The following PPP2R2B variants were observed in gnomAD, a reference collection of about 807,000 sequenced individuals.
PPP2R2B encodes the protein serine/threonine-protein phosphatase 2A 55 kDa regulatory subunit B beta isoform.
PPP2R2B carries 5 observed loss-of-function variants against 46.0 expected under a neutral mutation model. The observed-to-expected ratio is 0.11, with a 90% CI of 0.06 to 0.23. The LOEUF (loss-of-function observed/expected upper bound fraction) is 0.23. PPP2R2B is among the 10% of genes least tolerant of loss of function. The probability of loss-of-function intolerance (pLI) is 1.00; values close to 1 mark genes in which losing one functional copy is unlikely to be tolerated. For synonymous variants in PPP2R2B, 215 were observed against 206.7 expected (o/e 1.04, Z -0.34); for missense variants, 367 against 575.0 (o/e 0.64, Z 3.70).
At chr5:146,835,342 T>G (rs1759216106) in intron 2 of PPP2R2B, among the ~76,000 whole-genome samples, 1 of 152,190 alleles carries the variant, frequency 6.6e-6, no homozygotes, top group South Asian at 2.1e-4. Context: ...ATGGCCAAGT[T>G]AAATCAGAAA....
At position 146,914,899 on chromosome 5, in the gene PPP2R2B, A is replaced by G. The variant is rs1480231187; in HGVS notation, c.79+140766T>C. On this transcript the variant is annotated intron_variant, in intron 1 of 8. Coordinates refer to the PPP2R2B transcript ENST00000336640. ...CTAGCTCAAATGTATCTCCCCTACT[A>G]GTCCTCCACTTTCAGTATTCGAATC... 2.0e-5 allele frequency among the ~76,000 whole-genome samples: 3 copies of G among 152,186 alleles called. No individual in the cohort carries two copies. In the East Asian group the frequency reaches 5.8e-4, roughly 29 times the overall value.
chr5:146,760,679 T>C (rs2151252372), intron 2 of PPP2R2B, among the ~76,000 whole-genome samples: 1 of 152,356 alleles, frequency 6.6e-6, no homozygotes, highest in African/African-American at 2.4e-5. Context: ...CTGCATGCTC[T>C]GCTGTGATTT....
chr5:146,964,440 TA>T (rs1752314920), intron 1 of PPP2R2B, among the ~76,000 whole-genome samples: 1 of 144,230 alleles, frequency 6.9e-6, no homozygotes, highest in Admixed American at 7.4e-5. Flanking sequence ...AACCTTAGGA[TA>T]TTTTTTTTAT....
At chr5:146,746,364 A>G (rs1051364182) in intron 2 of PPP2R2B, among the ~76,000 whole-genome samples, 1 of 125,066 alleles carries the variant, frequency 8.0e-6, no homozygotes, top group Non-Finnish European at 1.7e-5. Context: ...ACTTTGAAAC[A>G]GCTTTTGGAC....
At chr5:146,768,772 T>C (rs1754651294) in intron 2 of PPP2R2B, among the ~76,000 whole-genome samples, 1 of 152,228 alleles carries the variant, frequency 6.6e-6, no homozygotes, top group Admixed American at 6.5e-5. Flanking sequence ...CCCAGCTCTT[T>C]CCTGTTCCTG....
At chr5:147,011,944 G>A (rs963074979) in intron 1 of PPP2R2B, among the ~76,000 whole-genome samples, 23 of 131,074 alleles carry the variant, frequency 1.8e-4, no homozygotes, top group African/African-American at 6.1e-4. Flanking sequence ...GATCGTGGTG[G>A]ATAAGCTTTT....
At chr5:146,771,377 GCTA>G (rs1159115253) in intron 2 of PPP2R2B, among the ~76,000 whole-genome samples, 7 of 152,304 alleles carry the variant, frequency 4.6e-5, no homozygotes, top group African/African-American at 1.7e-4. Flanking sequence ...GCGAACAGGT[GCTA>G]CTAATTTTTT....
intron 2 of PPP2R2B, among the ~76,000 whole-genome samples, chr5:147,066,199 C>T (rs1456969329): frequency 6.6e-6 from 1 of 152,180 alleles, no homozygotes; most frequent in Non-Finnish European, 1.5e-5. Flanking sequence ...CTCTTCAAAT[C>T]TCAATTTCCT....
chr5:146,681,309 A>G (rs1333342416), intron 5 of PPP2R2B, among the ~76,000 whole-genome samples: 2 of 152,186 alleles, frequency 1.3e-5, no homozygotes. Context: ...AAAAATAAAT[A>G]AAAGTCAGCT....
intron 1 of PPP2R2B, among the ~76,000 whole-genome samples, chr5:146,889,259 A>G (rs1561497794): frequency 2.6e-5 from 4 of 152,128 alleles, no homozygotes; most frequent in African/African-American, 7.2e-5. Flanking sequence ...CTTGGAGGTA[A>G]TCTGTATCAT....
intron 2 of PPP2R2B, among the ~76,000 whole-genome samples, chr5:146,779,515 C>T (rs192277178): frequency 1.3e-5 from 2 of 152,200 alleles, no homozygotes; most frequent in African/African-American, 4.8e-5. Context: ...CGGTTATTAC[C>T]GAGGTGTAGT....
Position 146,940,664 on chromosome 5 carries a change from G to C in PPP2R2B, c.79+115001C>G, listed in dbSNP as rs1241130916. 2.6e-5 allele frequency among the ~76,000 whole-genome samples: 4 copies of C among 152,202 alleles called. No homozygotes were observed. In the South Asian group the frequency reaches 8.3e-4, roughly 32 times the overall value. ...CTTTTCCTTTTCTTCGTATAAACTT[G>C]ATAGAATTGGGTTTCCGTCATTTGA... On this transcript the variant is annotated intron_variant, in intron 1 of 8. Transcript: ENST00000336640.
At chr5:146,700,581 AC>A (rs1454718433) in intron 3 of PPP2R2B, among the ~76,000 whole-genome samples, 3 of 151,978 alleles carry the variant, frequency 2.0e-5, no homozygotes, top group Non-Finnish European at 4.4e-5. Flanking sequence ...GTGGCCTTTT[AC>A]CCCCTTAGGT....
At chr5:146,817,280 T>A (rs1373161496) in intron 2 of PPP2R2B, among the ~76,000 whole-genome samples, 1 of 152,152 alleles carries the variant, frequency 6.6e-6, no homozygotes, top group African/African-American at 2.4e-5. Context: ...ACATTCCCAA[T>A]GTCATCAACC....
rs1412605405 is a variant in PPP2R2B at position 146,699,746 on chromosome 5, A to G, written c.168+1299T>C. Among the ~76,000 whole-genome samples the G allele has an allele frequency of 2.0e-5, 3 of 148,394 alleles. No homozygotes were observed. The South Asian group carries it at 6.3e-4, about 31-fold the overall frequency. ...TTCAAAAGACTTTAAATGCTGACAT[A>G]CTTGGTACTATCCTGCTCATTTGCA... On this transcript the variant is annotated intron_variant, in intron 3 of 9. Transcript: ENST00000394411.
rs912246005 is a variant in PPP2R2B at position 146,697,594 on chromosome 5, A to T, written c.334+385T>A. 5.3e-5 allele frequency among the ~76,000 whole-genome samples: 8 copies of T among 152,230 alleles called. No homozygotes were observed. The South Asian group carries it at 1.2e-3, about 24-fold the overall frequency. The stretch of plus-strand genomic sequence containing the variant: ...TACAGACCCTAAAATATATTCAGGG[A>T]TTAATAACTTCTATTCAATATGCCA... On this transcript the variant is annotated intron_variant, in intron 4 of 9. Coordinates refer to ENST00000394411, the MANE Select transcript of PPP2R2B (RefSeq NM_181675.4).
In PPP2R2B at chr5:147,029,743, C is replaced by T. The variant is rs528662569; in HGVS notation, c.79+25922G>A. 2.6e-5 allele frequency among the ~76,000 whole-genome samples: 4 copies of T among 152,180 alleles called. No homozygotes were observed. The East Asian group carries it at 5.8e-4, about 22-fold the overall frequency. On this transcript the variant is annotated intron_variant, in intron 1 of 8. Transcript: ENST00000336640. ...AAGGAAAAGACACCAAGAGTGGGCA[C>T]GCATAAAGGAAAGGCCATGTGAGGT...
At chr5:146,686,429 G>A (rs1328186836) in intron 5 of PPP2R2B, among the ~76,000 whole-genome samples, 1 of 152,148 alleles carries the variant, frequency 6.6e-6, no homozygotes, top group Non-Finnish European at 1.5e-5. Flanking sequence ...GAAATGAAGA[G>A]GAGGCTATGG....
chr5:146,962,336 G>T (rs1752207719), intron 1 of PPP2R2B, among the ~76,000 whole-genome samples: 1 of 151,708 alleles, frequency 6.6e-6, no homozygotes, highest in Non-Finnish European at 1.5e-5. Context: ...GAGAGAGAGA[G>T]AGAAAGAGAA....
Sources: allele counts gnomAD v4.1 joint callset (sites outside exome capture counted in the v4.1 genomes callset), GRCh38; gene constraint gnomAD v4.1.1; transcripts MANE v1.5; gene names NCBI Gene and HGNC (gene_info 2026-07-23, HGNC 2026-07-21).